PPFIA4: variants seen among roughly 807,000 people sequenced by gnomAD.
PPFIA4 encodes the protein PPFI scaffold protein A4, also known as liprin-alpha-4.
PPFIA4 carries 98 observed loss-of-function variants against 145.7 expected under a neutral mutation model. That is an observed-to-expected ratio of 0.67 (90% CI 0.57 to 0.80). The LOEUF is 0.80. Among genes scored for constraint, PPFIA4 ranks in the 30% least tolerant of loss-of-function variants. The pLI is 0.00. For synonymous variants in PPFIA4, 628 were observed against 649.6 expected (o/e 0.97, Z 0.51); for missense variants, 1,457 against 1,632.7 (o/e 0.89, Z 1.85).
At chr1:203,033,783 C>T (rs897206671) in intron 1 of PPFIA4, among the ~76,000 whole-genome samples, 3 of 152,038 alleles carry the variant, frequency 2.0e-5, no homozygotes, top group Non-Finnish European at 2.9e-5. Flanking sequence ...TTCAAGACCA[C>T]CCTGGCCAAA....
At position 203,060,123 on chromosome 1, in the gene PPFIA4, G is replaced by A. The variant is rs1004270560; in HGVS notation, c.2584-94G>A. ...TGATCTGTATTTGCTATTCGAGTCC[G>A]TGGATGAGGCCTGGCCCTTGCCCCT... On this transcript the variant is annotated intron_variant, in intron 21 of 29. Transcript: ENST00000295706. The surrounding 1 kb of genome is among the most constrained non-coding windows in gnomAD (Gnocchi z 4.8). The A allele has an allele frequency of 1.1e-5, 14 of 1,232,568 alleles. No individual in the cohort carries two copies. The highest frequency in any genetic ancestry group is 5.0e-5 in the East Asian group (2 of 39,976). 76.4% of individuals were successfully genotyped at this position (1,232,568 alleles called of 1,614,324 possible). A position where few individuals can be genotyped will look rare whatever the true frequency, so the allele number is the denominator to read the frequency against.
rs1247404703 is a variant in PPFIA4 at position 203,060,480 on chromosome 1, T to G, written c.2784+63T>G. ...GTCCTGGAACATAGTTTGCAAGGTC[T>G]CCTGTTGGGCTTTGGGAAGATGGCA... On this transcript the variant is annotated intron_variant, in intron 22 of 29. Transcript: ENST00000295706. The surrounding 1 kb of genome is among the most constrained non-coding windows in gnomAD (Gnocchi z 4.8). 4.5e-6 allele frequency: 7 copies of G among 1,554,722 alleles called. No homozygotes were observed. The highest frequency in any genetic ancestry group is 4.4e-6 in the Non-Finnish European group (5 of 1,138,708).
At chr1:203,051,352 G>T (rs1026866697) in intron 13 of PPFIA4, 2 of 981,856 alleles carry the variant, frequency 2.0e-6, no homozygotes, top group Admixed American at 6.0e-5. Context: ...AGTGAAAAGG[G>T]CCTCTAGACA....
intron 29 of PPFIA4, chr1:203,076,100 G>T: frequency 1.7e-6 from 1 of 599,982 alleles, no homozygotes; most frequent in South Asian, 2.0e-5. Flanking sequence ...GCCCGGGGAC[G>T]CGGGCACCTT....
At chr1:203,049,812 TGGACCGTGA>T (rs762914466) in intron 13 of PPFIA4, 45 bp downstream of exon 13, 33 of 1,444,750 alleles carry the variant, frequency 2.3e-5, no homozygotes, top group Non-Finnish European at 3.0e-5. Context: ...GGGGTCCTGA[TGGACCGTGA>T]GGAAGGAGAC....
intron 14 of PPFIA4, among the ~76,000 whole-genome samples, chr1:203,053,262 G>A (rs1558084188): frequency 6.6e-6 from 1 of 150,532 alleles, no homozygotes; most frequent in Non-Finnish European, 1.5e-5. Flanking sequence ...GCCGGGCACG[G>A]TGGCTCACGC....
chr1:203,067,868 A>T (rs1434474394), intron 26 of PPFIA4, 76 bp downstream of exon 26: 7 of 1,256,476 alleles, frequency 5.6e-6, no homozygotes, highest in Non-Finnish European at 8.1e-6. Context: ...AGTGGAGGGG[A>T]GGCATTCTGT....
At position 203,048,293 on chromosome 1, in the gene PPFIA4, AACCAGGAGCTGGCACGGGTGAGGGC is replaced by A. The variant is rs772195871; in HGVS notation, c.1214_1224+14del. On this transcript the variant is annotated splice_donor_variant and splice_donor_5th_base_variant and coding_sequence_variant and intron_variant, in exon 10 of 30. Transcript: ENST00000295706. LOFTEE classifies it high-confidence loss of function. The surrounding 1 kb of genome is among the most constrained non-coding windows in gnomAD (Gnocchi z 5.8). ...GCTGGAGGGACAGCTGGAGGAGAAG[AACCAGGAGCTGGCACGGGTGAGGGC>A]ACCAGGCCGGGCCCTCAGGCCCCCT... 1 of 1,612,728 alleles carries A rather than the reference AACCAGGAGCTGGCACGGGTGAGGGC, an allele frequency of 6.2e-7. No homozygotes were observed. Among genetic ancestry groups the A allele is most frequent in the South Asian group, 1.1e-5 (1 of 91,060 alleles).
rs529022990 is a variant in PPFIA4, at chr1:203,061,563, T to G, written c.2848-89T>G. 1.8e-4 allele frequency: 247 copies of G among 1,368,968 alleles called. No individual in the cohort carries two copies. In the African/African-American group the frequency reaches 3.0e-3, roughly 16 times the overall value. 84.8% of individuals were successfully genotyped at this position (1,368,968 alleles called of 1,614,324 possible). A position where few individuals can be genotyped will look rare whatever the true frequency, so the allele number is the denominator to read the frequency against. ...ACCCAGCCAGATACTGGGATGTCTTTTTCCTCTCCTTGATGGGGCCTAGGG... is the reference window on the plus strand; with the variant it reads ...ACCCAGCCAGATACTGGGATGTCTTGTTCCTCTCCTTGATGGGGCCTAGGG... On this transcript the variant is annotated intron_variant, in intron 23 of 29. Coordinates refer to ENST00000295706, the MANE Select transcript of PPFIA4 (RefSeq NM_001304331.2).
intron 20 of PPFIA4, 132 bp downstream of exon 20, chr1:203,059,403 G>A (rs1000865496): frequency 9.9e-5 from 77 of 776,344 alleles, no homozygotes; most frequent in Middle Eastern, 3.7e-4. Context: ...GAGTTGGTCT[G>A]GTCCATGTGG....
chr1:203,074,771 C>T (rs1023611198), intron 28 of PPFIA4, among the ~76,000 whole-genome samples: 1 of 151,900 alleles, frequency 6.6e-6, no homozygotes, highest in Non-Finnish European at 1.5e-5. Flanking sequence ...GAGGCCTGTG[C>T]AGAGGGGGAT....
intron 1 of PPFIA4, among the ~76,000 whole-genome samples, chr1:203,032,072 T>TGTGTGTGTG (rs1553253559): frequency 2.8e-5 from 1 of 35,534 alleles, no homozygotes; most frequent in Non-Finnish European, 7.5e-5. Context: ...GTGTGTGTGT[T>TGTGTGTGTG]TTAGCAGGGG....
At chr1:203,029,124 C>T (rs984482705) in intron 1 of PPFIA4, among the ~76,000 whole-genome samples, 2 of 152,134 alleles carry the variant, frequency 1.3e-5, no homozygotes, top group Admixed American at 1.3e-4. Context: ...CAGGAGACTC[C>T]AGGGCTGGTC....
chr1:203,056,414 AC>A lies in PPFIA4; in HGVS notation c.2148del (p.Ile717Ter). On this transcript the variant is annotated frameshift_variant, in exon 18 of 30. Transcript: ENST00000295706. LOFTEE classifies it high-confidence loss of function. ...GGAAGAGAACCGAGAGGATAAAGCC[AC>A]CATAAAATGTGAGACTTCTCCTCCT... is the stretch of plus-strand genomic sequence containing the variant. ...SREENREDKA[T>X]IKCETSPPSS... 6.2e-7 allele frequency: 1 copy of A among 1,613,990 alleles called. No individual in the cohort carries two copies. The highest frequency in any genetic ancestry group is 8.5e-7 in the Non-Finnish European group (1 of 1,179,896).
chr1:203,067,470 C>T (rs1023751186), intron 25 of PPFIA4: 35 of 497,518 alleles, frequency 7.0e-5, no homozygotes, highest in African/African-American at 1.8e-4. Flanking sequence ...TCCCCAGGCC[C>T]GCTCCCTGAC....
At chr1:203,062,307 C>T (rs946968648) in intron 24 of PPFIA4, among the ~76,000 whole-genome samples, 1 of 149,766 alleles carries the variant, frequency 6.7e-6, no homozygotes, top group Non-Finnish European at 1.5e-5. Flanking sequence ...GAAACCCCGT[C>T]TCTACTAAAA....
chr1:203,044,567 G>T, intron 5 of PPFIA4, 114 bp downstream of exon 5: 1 of 1,401,794 alleles, frequency 7.1e-7, no homozygotes, highest in South Asian at 1.3e-5. Context: ...GAAGCTGCTA[G>T]GCAAGGCTAG....
rs1660206277 is a variant in PPFIA4, at chr1:203,048,015, A to C, written c.1141-212A>C. Among the ~76,000 whole-genome samples the C allele has an allele frequency of 6.6e-6, 1 of 152,306 alleles. No individual in the cohort carries two copies. The highest frequency in any genetic ancestry group is 1.5e-5 in the Non-Finnish European group (1 of 68,024). On this transcript the variant is annotated intron_variant, in intron 9 of 29. Transcript: ENST00000295706. The surrounding 1 kb of genome is among the most constrained non-coding windows in gnomAD (Gnocchi z 5.8). Reference sequence around the variant, plus strand: ...TTAAGGCTAGGCCTGAGCGAGGAGGAGGCAGGGGAGACCTGGCAGGTATTG... The same window carrying C: ...TTAAGGCTAGGCCTGAGCGAGGAGGCGGCAGGGGAGACCTGGCAGGTATTG...
rs1661314658 is a variant in PPFIA4 at position 203,060,905 on chromosome 1, C to A, written c.2785-65C>A. 6.6e-7 allele frequency: 1 copy of A among 1,506,560 alleles called. No homozygotes were observed. The highest frequency in any genetic ancestry group is 2.3e-5 in the East Asian group (1 of 44,368). The allele number at this position is 1,506,560 out of a possible 1,614,324, so 93.3% of individuals were successfully genotyped here. ...GAGCTTTGTCCTTGTCCTTTGGGCTCCCAGCCTGATGGGGATCCTGGGGAC... is the reference window on the plus strand; with the variant it reads ...GAGCTTTGTCCTTGTCCTTTGGGCTACCAGCCTGATGGGGATCCTGGGGAC... On this transcript the variant is annotated intron_variant, in intron 22 of 29. Coordinates refer to ENST00000295706, the MANE Select transcript of PPFIA4 (RefSeq NM_001304331.2). The surrounding 1 kb of genome is among the most constrained non-coding windows in gnomAD (Gnocchi z 4.8).
Sources: gnomAD v4.1 joint callset for allele counts (sites outside exome capture counted in the v4.1 genomes callset) on GRCh38, gnomAD v4.1.1 for gene constraint, Gnocchi (gnomAD v3.1) non-coding constraint, MANE v1.5 for transcripts, NCBI Gene and HGNC (gene_info 2026-07-23, HGNC 2026-07-21) for gene names.